Variants in ABCA13 observed in about 807,000 individuals in gnomAD.
ABCA13 encodes the protein ATP-binding cassette sub-family A member 13.
In ABCA13, 476 loss-of-function variants were observed where a neutral mutation model predicts 478.7. The ratio of observed to expected loss-of-function variants is 0.99; its 90% CI spans 0.92 to 1.07. ABCA13 has a LOEUF of 1.07. ABCA13 is among the 50% of genes least tolerant of loss of function. The pLI is 0.00. For missense variants in ABCA13, 6,060 were observed against 5,910.6 expected, an observed-to-expected ratio of 1.03 and a Z score of -0.83; for synonymous variants, 2,252 against 2,158.9, an observed-to-expected ratio of 1.04 and a Z score of -1.20.
At chr7:48,438,776 C>T (rs1823187072) in intron 42 of ABCA13, among the ~76,000 whole-genome samples, 1 of 151,952 alleles carries the variant, frequency 6.6e-6, no homozygotes, top group South Asian at 2.1e-4. Flanking sequence ...AACCAGGCAG[C>T]ACCTTCAATT....
intron 48 of ABCA13, among the ~76,000 whole-genome samples, chr7:48,493,421 A>G (rs1830012007): frequency 6.6e-6 from 1 of 152,222 alleles, no homozygotes; most frequent in African/African-American, 2.4e-5. Flanking sequence ...CCTAAGAGGA[A>G]ATTTCTTTTA....
At chr7:48,412,965 C>G (rs939669655) in intron 41 of ABCA13, among the ~76,000 whole-genome samples, 1 of 151,616 alleles carries the variant, frequency 6.6e-6, no homozygotes, top group African/African-American at 2.4e-5. Context: ...GCGCCCGCCA[C>G]CACGCCTGGC....
intron 42 of ABCA13, among the ~76,000 whole-genome samples, chr7:48,431,415 G>GT (rs1313091441): frequency 2.6e-5 from 4 of 152,074 alleles, no homozygotes; most frequent in African/African-American, 9.7e-5. Context: ...ATTAAGGCTT[G>GT]TTTTATGGTC....
In ABCA13 at chr7:48,398,151, T is replaced by C. The variant is rs1817103044; in HGVS notation, c.11874-5532T>C. Among the ~76,000 whole-genome samples, 5 of 152,322 alleles carry C rather than the reference T, an allele frequency of 3.3e-5. No individual in the cohort carries two copies. The South Asian group carries it at 1.0e-3, about 32-fold the overall frequency. ...ATCTTATGGACTATATATTATGAGA[T>C]AGCAAATTGGCTATGTCCAACCTGA... On this transcript the variant is annotated intron_variant, in intron 38 of 61. Coordinates refer to ENST00000435803, the MANE Select transcript of ABCA13 (RefSeq NM_152701.5).
At chr7:48,347,076 T>C (rs1808230644) in intron 29 of ABCA13, among the ~76,000 whole-genome samples, 1 of 152,176 alleles carries the variant, frequency 6.6e-6, no homozygotes, top group African/African-American at 2.4e-5. Context: ...AGCCATTGCA[T>C]ACCCCATAAG....
intron 15 of ABCA13, among the ~76,000 whole-genome samples, chr7:48,258,763 C>T (rs938617434): frequency 6.6e-6 from 1 of 152,096 alleles, no homozygotes; most frequent in African/African-American, 2.4e-5. Context: ...CTATAAACTT[C>T]CCTCTTCACA....
chr7:48,392,000 A>G lies in ABCA13; in HGVS notation c.11734A>G (p.Arg3912Gly). 6.2e-7 allele frequency: 1 copy of G among 1,614,008 alleles called. No homozygotes were observed. The highest frequency in any genetic ancestry group is 8.5e-7 in the Non-Finnish European group (1 of 1,179,884). The change falls in exon 38 of 62, where the codon AGG (arginine) becomes GGG (glycine). Residue 3912 changes from arginine (R) to glycine (G), a missense_variant. Physicochemically the swap from Arg to Gly is moderately radical, Grantham distance 125 (BLOSUM62 -2). Transcript: ENST00000435803. ...CAAGAACCTACAGACAGACCTGTCG[A>G]GGGTCAGAATGGAGCTTGGTGTGTG... The part of the protein sequence containing the change: ...NGKNLQTDLS[R>G]VRMELGVCPQ...
At chr7:48,249,528 A>T (rs1279877764) in intron 15 of ABCA13, among the ~76,000 whole-genome samples, 177 bp downstream of exon 15, 1 of 152,190 alleles carries the variant, frequency 6.6e-6, no homozygotes. Flanking sequence ...TTATGACAAG[A>T]CTTACCAGAA....
intron 50 of ABCA13, among the ~76,000 whole-genome samples, chr7:48,508,824 A>G (rs1831434696): frequency 6.6e-6 from 1 of 152,186 alleles, no homozygotes; most frequent in Non-Finnish European, 1.5e-5. Flanking sequence ...CCAGGCACAA[A>G]TTTCCGCATA....
intron 31 of ABCA13, among the ~76,000 whole-genome samples, chr7:48,366,770 A>G (rs1343949464): frequency 6.6e-6 from 1 of 152,154 alleles, no homozygotes; most frequent in African/African-American, 2.4e-5. Context: ...TGGAGACCCC[A>G]TAACCCAAAC....
chr7:48,468,025 T>C (rs1827073328), intron 44 of ABCA13, among the ~76,000 whole-genome samples: 1 of 152,060 alleles, frequency 6.6e-6, no homozygotes, highest in South Asian at 2.1e-4. Context: ...ATACACAGGG[T>C]GTAAAATATG....
At chr7:48,587,008 G>A (rs1293363371) in intron 56 of ABCA13, 146 bp from the exon 57 acceptor site, 1 of 1,057,888 alleles carries the variant, frequency 9.5e-7, no homozygotes, top group Non-Finnish European at 1.4e-6. Context: ...ATGGTAAAGG[G>A]GGATGTTTCA....
intron 44 of ABCA13, among the ~76,000 whole-genome samples, chr7:48,467,887 A>G (rs141346327): frequency 6.6e-5 from 10 of 152,370 alleles, no homozygotes; most frequent in African/African-American, 2.2e-4. Flanking sequence ...CTGAAAAACT[A>G]TTAATGTTCT....
intron 20 of ABCA13, among the ~76,000 whole-genome samples, chr7:48,293,193 C>CCCCA (rs1554419597): frequency 7.8e-5 from 5 of 64,476 alleles, no homozygotes; most frequent in Admixed American, 3.5e-4. Flanking sequence ...AAGTCTTCAG[C>CCCCA]CCCCCCCCCG....
At chr7:48,542,324 G>T (rs923698087) in intron 55 of ABCA13, among the ~76,000 whole-genome samples, 1 of 151,688 alleles carries the variant, frequency 6.6e-6, no homozygotes, top group Non-Finnish European at 1.5e-5. Context: ...TTTTATTTAT[G>T]AAGTACTAGA....
chr7:48,309,033 GCACACA>G (rs10523187), intron 23 of ABCA13, among the ~76,000 whole-genome samples: 45 of 138,144 alleles, frequency 3.3e-4, no homozygotes, highest in East Asian at 2.7e-3. Context: ...ACACATGACT[GCACACA>G]CACACACACA....
At chr7:48,387,349 T>C (rs1272077586) in intron 35 of ABCA13, among the ~76,000 whole-genome samples, 2 of 152,148 alleles carry the variant, frequency 1.3e-5, no homozygotes, top group African/African-American at 2.4e-5. Context: ...CATATGGAAA[T>C]GTTAGCATTA....
At chr7:48,608,909 T>A (rs556226244) in intron 58 of ABCA13, among the ~76,000 whole-genome samples, 1 of 152,354 alleles carries the variant, frequency 6.6e-6, no homozygotes, top group African/African-American at 2.4e-5. Context: ...ATTTACCAGT[T>A]TCTTCATTTG....
At chr7:48,210,374 G>C (rs1785477121) in intron 3 of ABCA13, among the ~76,000 whole-genome samples, 1 of 152,102 alleles carries the variant, frequency 6.6e-6, no homozygotes, top group Non-Finnish European at 1.5e-5. Context: ...AATTCAAGAT[G>C]AGATTTTGGG....
Sources: gnomAD v4.1 joint callset for allele counts (sites outside exome capture counted in the v4.1 genomes callset) on GRCh38, gnomAD v4.1.1 for gene constraint, MANE v1.5 for transcripts, NCBI Gene and HGNC (gene_info 2026-07-23, HGNC 2026-07-21) for gene names.